Variants in VILL observed in about 807,000 individuals in gnomAD.
The protein encoded by VILL is villin like.
A neutral mutation model predicts 106.3 loss-of-function variants in VILL; 102 were observed. The observed-to-expected ratio is 0.96, with a 90% CI of 0.82 to 1.13. The LOEUF (loss-of-function observed/expected upper bound fraction) is 1.13, where lower values mean the gene tolerates loss of function less well. VILL is among the 50% of genes most tolerant of loss of function. The probability of loss-of-function intolerance (pLI) is 0.00; values close to 1 mark genes in which losing one functional copy is unlikely to be tolerated. For synonymous variants in VILL, 431 were observed against 440.3 expected (o/e 0.98, Z 0.27); for missense variants, 1,076 against 1,116.6 (o/e 0.96, Z 0.52).
At chr3:37,989,318 G>C (rs1166205619), upstream of VILL, among the ~76,000 whole-genome samples, 1 of 152,192 alleles carries the variant, frequency 6.6e-6, no homozygotes, top group Non-Finnish European at 1.5e-5. Flanking sequence ...GGAGACTTAG[G>C]CCGGGGCAAG....
Position 37,997,298 on chromosome 3 carries a change from A to G in VILL, c.561+111A>G, listed in dbSNP as rs1699720697. 3 of 1,260,986 alleles carry G rather than the reference A, an allele frequency of 2.4e-6. No homozygotes were observed. The highest frequency in any genetic ancestry group is 3.4e-6 in the Non-Finnish European group (3 of 887,418). 78.1% of individuals were successfully genotyped at this position (1,260,986 alleles called of 1,614,324 possible). ...GTTGGGCTTGGCTCTGCTACAACCC[A>G]AGAAACGCCTATGAGTTACAAGCTG... On this transcript the variant is annotated intron_variant, in intron 6 of 19. Coordinates refer to ENST00000383759, the MANE Select transcript of VILL (RefSeq NM_015873.4). The surrounding 1 kb of genome is among the most constrained non-coding windows in gnomAD (Gnocchi z 4.7).
At chr3:37,992,432 A>G (rs1699623588) in intron 1 of VILL, among the ~76,000 whole-genome samples, 1 of 152,238 alleles carries the variant, frequency 6.6e-6, no homozygotes, top group South Asian at 2.1e-4. Context: ...TCTTGGGGCA[A>G]TTAGGGTGCA....
At chr3:37,995,492 T>G (rs372227930) in intron 4 of VILL, among the ~76,000 whole-genome samples, 2 of 152,378 alleles carry the variant, frequency 1.3e-5, no homozygotes, top group African/African-American at 4.8e-5. Flanking sequence ...TGTATGTACA[T>G]GTACACATAT....
chr3:37,993,538 T>C (rs1699641198), intron 1 of VILL, 49 bp from the exon 2 acceptor site: 6 of 726,158 alleles, frequency 8.3e-6, no homozygotes, highest in East Asian at 8.1e-5. Context: ...GTGCTGACAT[T>C]TGTGTGTTTA....
In VILL at chr3:38,005,837, G is replaced by A. The variant is rs758212384; in HGVS notation, c.1996G>A (p.Val666Met). 23 of 1,613,682 alleles carry A rather than the reference G, an allele frequency of 1.4e-5. 1 individual carries two copies. The highest frequency in any genetic ancestry group is 1.6e-4 in the Middle Eastern group (1 of 6,070). ...AGCTGCAAGTGAGTGGAAGGAGGCG[G>A]TGGCCTGGGGCCAGGAGTACCTGAA... ...GEAASEWKEA[V>M]AWGQEYLKTH... Residue 666 changes from valine to methionine, a missense_variant, in exon 17 of 20, where the codon GTG becomes ATG. Val to Met is a conservative substitution (Grantham distance 21). Transcript: ENST00000383759.
chr3:38,006,742 C>T, intron 19 of VILL, 42 bp downstream of exon 19: 1 of 1,569,266 alleles, frequency 6.4e-7, no homozygotes, highest in East Asian at 2.3e-5. Context: ...GCATCTGACA[C>T]TGAGCTGGAG....
rs201763873 is a variant in VILL at position 37,995,718 on chromosome 3, C to G, written c.342-21C>G. On this transcript the variant is annotated intron_variant, in intron 4 of 19. Transcript: ENST00000383759. ...CTTATATACACAGAATGTATATACC[C>G]TCCTGCTATTCCCACCTCAGCTACA... The G allele has an allele frequency of 3.0e-3, 4,849 of 1,594,708 alleles. 160 individuals carry two copies. The South Asian group carries it at 0.049, about 16-fold the overall frequency.
rs566820819 is a variant in VILL, at chr3:38,006,390, G to T, written c.2206-59G>T. On this transcript the variant is annotated intron_variant, in intron 18 of 19. Coordinates refer to ENST00000383759, the MANE Select transcript of VILL (RefSeq NM_015873.4). ...GTAAGAGGCCTGTGGGTTCAGTGCA[G>T]CCTCCCTGTGGGCTACTGATTCCCC... 84 of 1,585,030 alleles carry T rather than the reference G, an allele frequency of 5.3e-5. 1 individual carries two copies. The South Asian group carries it at 7.6e-4, about 14-fold the overall frequency.
Position 37,993,984 on chromosome 3 carries a change from G to A in VILL, c.135+12G>A. ...ATGTCATCCTCCACGTGAGTCGCTT[G>A]GGGAAGTCTGCCTGAGAGGGGTGGC... On this transcript the variant is annotated intron_variant, in intron 3 of 19. Transcript: ENST00000383759. 6.2e-7 allele frequency: 1 copy of A among 1,614,172 alleles called. No individual in the cohort carries two copies. The highest frequency in any genetic ancestry group is 8.5e-7 in the Non-Finnish European group (1 of 1,180,002).
chr3:37,995,931 G>A, intron 5 of VILL, 84 bp downstream of exon 5: 3 of 1,097,686 alleles, frequency 2.7e-6, no homozygotes, highest in Non-Finnish European at 4.1e-6. Flanking sequence ...GAAATTGGCT[G>A]GGGTTGTGGG....
chr3:37,991,599 A>G (rs186823588), intron 1 of VILL, among the ~76,000 whole-genome samples: 1 of 152,026 alleles, frequency 6.6e-6, no homozygotes, highest in African/African-American at 2.4e-5. Flanking sequence ...GGGGAGAGAA[A>G]GGGAAACCAG....
Position 38,001,593 on chromosome 3 carries a change from G to GGT in VILL, c.1320+4_1320+5dup. ...TCCAGTACATCCTGTACCTATGGCA[G>GGT]GTGTGCCAGCCTGAGGGAGGCAGCA... On this transcript the variant is annotated frameshift_variant and splice_region_variant. Coordinates refer to ENST00000383759, the MANE Select transcript of VILL (RefSeq NM_015873.4). LOFTEE classifies it high-confidence loss of function. 1 of 1,614,072 alleles carries GGT rather than the reference G, an allele frequency of 6.2e-7. No individual in the cohort carries two copies. The highest frequency in any genetic ancestry group is 8.5e-7 in the Non-Finnish European group (1 of 1,179,992).
Position 37,998,301 on chromosome 3 carries a change from C to A in VILL, c.879C>A (p.Ile293=). 2 of 1,614,156 alleles carry A rather than the reference C, an allele frequency of 1.2e-6. No homozygotes were observed. The highest frequency in any genetic ancestry group is 1.7e-6 in the Non-Finnish European group (2 of 1,180,010). ...TCCTGGACCAGGGTGGCTTCAAGAT[C>A]TATGTGTGGCAGGGACGCATGTCTA... The part of the protein sequence containing the change: ...FYILDQGGFK[I]YVWQGRMSSL... The change falls in exon 9 of 20, where the codon ATC becomes ATA. Residue 293 remains isoleucine, a synonymous_variant. Transcript: ENST00000383759. The surrounding 1 kb of genome is among the most constrained non-coding windows in gnomAD (Gnocchi z 4.1).
chr3:37,993,894 C>G lies in VILL; in HGVS notation c.61-4C>G. On this transcript the variant is annotated splice_polypyrimidine_tract_variant and splice_region_variant and intron_variant, in intron 2 of 19. Coordinates refer to ENST00000383759, the MANE Select transcript of VILL (RefSeq NM_015873.4). Reference sequence around the variant, plus strand: ...AGTTGTTACAGGGAACTCTCCTCTCCCAGAACCGGAAGATGGTGCCGGTAC... The same window carrying G: ...AGTTGTTACAGGGAACTCTCCTCTCGCAGAACCGGAAGATGGTGCCGGTAC... 1.2e-6 allele frequency: 2 copies of G among 1,614,180 alleles called. No individual in the cohort carries two copies. The highest frequency in any genetic ancestry group is 1.7e-6 in the Non-Finnish European group (2 of 1,180,022).
intron 14 of VILL, 106 bp downstream of exon 14, chr3:38,002,681 G>A (rs545275043): frequency 7.8e-7 from 1 of 1,287,820 alleles, no homozygotes; most frequent in East Asian, 2.4e-5. Flanking sequence ...GCCTCAGATA[G>A]GCCGATGGGG....
chr3:37,998,433 G>C lies in VILL; in HGVS notation c.942+69G>C. Reference sequence around the variant, plus strand: ...GGGGTCTGAGTGGGGAGGCAGCTCCGCCCCAGGGTCTAAGGGAGGAATCAG... The same window carrying C: ...GGGGTCTGAGTGGGGAGGCAGCTCCCCCCCAGGGTCTAAGGGAGGAATCAG... On this transcript the variant is annotated intron_variant, in intron 9 of 19. Coordinates refer to ENST00000383759, the MANE Select transcript of VILL (RefSeq NM_015873.4). This position sits in a 1 kb window ranked among gnomAD's most constrained non-coding sequence, Gnocchi z 4.1. 7.0e-7 allele frequency: 1 copy of C among 1,427,216 alleles called. No homozygotes were observed. The allele number at this position is 1,427,216 out of a possible 1,614,324, so 88.4% of individuals were successfully genotyped here.
intron 11 of VILL, among the ~76,000 whole-genome samples, chr3:38,000,168 G>C (rs766051946): frequency 1.3e-5 from 2 of 152,252 alleles, no homozygotes; most frequent in Non-Finnish European, 2.9e-5. Context: ...GAACAGAACT[G>C]CTGGGCCTAT....
chr3:38,006,668 C>T lies in VILL; in HGVS notation c.2425C>T (p.Leu809=). Residue 809 remains leucine, a synonymous_variant, in exon 19 of 20, where the codon CTG becomes TTG. Transcript: ENST00000383759. The part of the protein sequence containing the change: ...EQLMHQAVED[L]PEGVDPARRE... ...ACTGATGCACCAGGCTGTTGAGGAC[C>T]TGCCAGAGGGCGTGGACCCTGCCCG... is the stretch of plus-strand genomic sequence containing the variant. 2 of 1,612,620 alleles carry T rather than the reference C, an allele frequency of 1.2e-6. No homozygotes were observed. Among genetic ancestry groups the T allele is most frequent in the Non-Finnish European group, 1.7e-6 (2 of 1,179,606 alleles).
At chr3:37,993,531 C>T in intron 1 of VILL, 56 bp from the exon 2 acceptor site, 1 of 702,446 alleles carries the variant, frequency 1.4e-6, no homozygotes, top group Non-Finnish European at 2.4e-6. Flanking sequence ...AGTCTGTGTG[C>T]TGACATTTGT....
Sources: allele counts gnomAD v4.1 joint callset (sites outside exome capture counted in the v4.1 genomes callset), GRCh38; gene constraint gnomAD v4.1.1; non-coding constraint Gnocchi (gnomAD v3.1); transcripts MANE v1.5; gene names NCBI Gene and HGNC (gene_info 2026-07-23, HGNC 2026-07-21).